The following IMMP2L variants were observed in gnomAD, a reference collection of about 807,000 sequenced individuals.
IMMP2L encodes inner mitochondrial membrane peptidase subunit 2.
Under a neutral mutation model 19.3 loss-of-function variants are expected in IMMP2L, and 18 were observed. The observed-to-expected ratio is 0.93, with a 90% CI of 0.64 to 1.38. The LOEUF is 1.38. Among genes scored for constraint, IMMP2L ranks in the 40% most tolerant of loss-of-function variants. The pLI is 0.00. For missense variants in IMMP2L, 233 were observed against 218.2 expected (o/e 1.07, Z -0.43); for synonymous variants, 76 against 73.0 (o/e 1.04, Z -0.21).
At chr7:111,482,579 T>C (rs1033219616) in intron 3 of IMMP2L, among the ~76,000 whole-genome samples, 8 of 152,158 alleles carry the variant, frequency 5.3e-5, no homozygotes, top group Non-Finnish European at 1.0e-4. Flanking sequence ...GGTAGACTTA[T>C]TTCTAGAATC....
intron 3 of IMMP2L, among the ~76,000 whole-genome samples, chr7:111,383,072 G>T (rs1324001624): frequency 1.3e-5 from 2 of 152,018 alleles, no homozygotes; most frequent in Non-Finnish European, 2.9e-5. Context: ...ATTAGTCATG[G>T]AGGAAGAAAA....
At chr7:111,370,154 G>A (rs1004771001) in intron 3 of IMMP2L, among the ~76,000 whole-genome samples, 3 of 152,002 alleles carry the variant, frequency 2.0e-5, no homozygotes, top group Non-Finnish European at 4.4e-5. Context: ...ATGTGAAACT[G>A]AGCAAGTTGT....
At chr7:111,541,297 A>T (rs945936490) in intron 1 of IMMP2L, among the ~76,000 whole-genome samples, 3 of 152,104 alleles carry the variant, frequency 2.0e-5, no homozygotes, top group Admixed American at 1.3e-4. Flanking sequence ...AATTATTTAC[A>T]CTTCTAAAGA....
intron 5 of IMMP2L, among the ~76,000 whole-genome samples, chr7:110,836,582 A>C (rs1480923728): frequency 6.6e-6 from 1 of 152,130 alleles, no homozygotes. Flanking sequence ...TGAAAGCCCA[A>C]TAAACCTCTT....
intron 3 of IMMP2L, among the ~76,000 whole-genome samples, chr7:111,121,242 G>T (rs972605433): frequency 2.6e-5 from 4 of 152,104 alleles, no homozygotes; most frequent in African/African-American, 9.7e-5. Flanking sequence ...GTTCATTGTA[G>T]ATTCTGGATA....
intron 3 of IMMP2L, among the ~76,000 whole-genome samples, chr7:111,299,519 A>G (rs1313485094): frequency 6.6e-6 from 1 of 151,980 alleles, no homozygotes; most frequent in Non-Finnish European, 1.5e-5. Context: ...AAGCAAATAC[A>G]AAACTATTAT....
intron 5 of IMMP2L, among the ~76,000 whole-genome samples, chr7:110,764,426 C>T (rs1432717091): frequency 6.6e-6 from 1 of 151,970 alleles, no homozygotes; most frequent in Non-Finnish European, 1.5e-5. Flanking sequence ...GGCAAATATT[C>T]CTATTTGCAC....
At chr7:110,909,892 GAGAGAGAGAGAGAGAA>G (rs1443984780) in intron 4 of IMMP2L, among the ~76,000 whole-genome samples, 2 of 150,462 alleles carry the variant, frequency 1.3e-5, no homozygotes, top group Non-Finnish European at 3.0e-5. Flanking sequence ...AAACAGAGGA[GAGAGAGAGAGAGAGAA>G]AGAGAGAGAG....
intron 3 of IMMP2L, among the ~76,000 whole-genome samples, chr7:111,373,252 A>G (rs1830405351): frequency 6.6e-6 from 1 of 152,086 alleles, no homozygotes; most frequent in Non-Finnish European, 1.5e-5. Flanking sequence ...AAAAGGAAAA[A>G]GAATTCGAGA....
At chr7:111,474,192 G>GA (rs1191313595) in intron 3 of IMMP2L, among the ~76,000 whole-genome samples, 1 of 151,992 alleles carries the variant, frequency 6.6e-6, no homozygotes, top group Non-Finnish European at 1.5e-5. Context: ...GAAAAAGGGG[G>GA]AAAAAGGTTG....
intron 5 of IMMP2L, among the ~76,000 whole-genome samples, 174 bp from the exon 6 acceptor site, chr7:110,663,895 T>A (rs554734164): frequency 6.6e-6 from 1 of 152,274 alleles, no homozygotes; most frequent in Admixed American, 6.5e-5. Flanking sequence ...AAAAATACAG[T>A]AAGCACTTAT....
intron 3 of IMMP2L, among the ~76,000 whole-genome samples, chr7:111,239,401 T>C (rs1420783550): frequency 1.3e-5 from 2 of 151,906 alleles, no homozygotes; most frequent in Non-Finnish European, 2.9e-5. Flanking sequence ...AAACTTTCGA[T>C]AAAATTTGAA....
At chr7:110,788,927 C>G (rs1393132009) in intron 5 of IMMP2L, among the ~76,000 whole-genome samples, 1 of 151,688 alleles carries the variant, frequency 6.6e-6, no homozygotes, top group African/African-American at 2.4e-5. Flanking sequence ...TATGTGATGT[C>G]TAAGACTAGA....
At chr7:110,676,597 A>G (rs541684409) in intron 5 of IMMP2L, among the ~76,000 whole-genome samples, 98 of 152,310 alleles carry the variant, frequency 6.4e-4, no homozygotes, top group African/African-American at 2.3e-3. Context: ...GAAATGCTGT[A>G]TTTTATTATC....
chr7:111,509,327 G>A (rs189658607), intron 2 of IMMP2L, among the ~76,000 whole-genome samples: 177 of 152,232 alleles, frequency 1.2e-3, no homozygotes, highest in Non-Finnish European at 4.1e-4. Context: ...GCTACAAAAG[G>A]GTTTTCTCAA....
chr7:110,792,381 A>C (rs770980488), intron 5 of IMMP2L, among the ~76,000 whole-genome samples: 7 of 149,470 alleles, frequency 4.7e-5, no homozygotes, highest in Non-Finnish European at 1.0e-4. Flanking sequence ...TAGTTTAGAA[A>C]TTAAAATCTG....
At chr7:111,099,114 C>T (rs28657599) in intron 3 of IMMP2L, among the ~76,000 whole-genome samples, 4,473 of 151,688 alleles carry the variant, frequency 0.029, 223 homozygotes, top group African/African-American at 0.1. Context: ...TTATAACTTC[C>T]TCTATCATCA....
At chr7:110,721,916 A>G (rs1795602878) in intron 5 of IMMP2L, among the ~76,000 whole-genome samples, 1 of 152,098 alleles carries the variant, frequency 6.6e-6, no homozygotes, top group Non-Finnish European at 1.5e-5. Context: ...ACAAAGTTGT[A>G]AACAATCATA....
chr7:110,701,311 T>C (rs1794270448), intron 5 of IMMP2L, among the ~76,000 whole-genome samples: 1 of 152,230 alleles, frequency 6.6e-6, no homozygotes, highest in Non-Finnish European at 1.5e-5. Context: ...CTTTTAGCAA[T>C]AATAGCTAGC....
Sources: allele counts gnomAD v4.1 joint callset (sites outside exome capture counted in the v4.1 genomes callset), GRCh38; gene constraint gnomAD v4.1.1; transcripts MANE v1.5; gene names NCBI Gene and HGNC (gene_info 2026-07-23, HGNC 2026-07-21).